UQCC1: variants seen among roughly 807,000 people sequenced by gnomAD.
UQCC1 encodes ubiquinol-cytochrome c reductase complex assembly factor 1.
Under a neutral mutation model 48.0 loss-of-function variants are expected in UQCC1, and 38 were observed. The ratio of observed to expected loss-of-function variants is 0.79; its 90% CI spans 0.61 to 1.04. The LOEUF is 1.04. Among genes scored for constraint, UQCC1 ranks in the 50% least tolerant of loss-of-function variants. The probability of loss-of-function intolerance (pLI) is 0.00; values close to 1 mark genes in which losing one functional copy is unlikely to be tolerated. For synonymous variants in UQCC1, 111 were observed against 129.2 expected, an observed-to-expected ratio of 0.86 and a Z score of 0.95; for missense variants, 368 against 381.8, an observed-to-expected ratio of 0.96 and a Z score of 0.30.
At chr20:35,321,696 T>C (rs991145509) in intron 7 of UQCC1, among the ~76,000 whole-genome samples, 2 of 152,152 alleles carry the variant, frequency 1.3e-5, no homozygotes, top group African/African-American at 4.8e-5. Context: ...CTCTACAACA[T>C]AGTAATAATA....
At position 35,375,576 on chromosome 20, in the gene UQCC1, T is replaced by G. The variant is rs1350105107; in HGVS notation, c.334-1320A>C. On this transcript the variant is annotated intron_variant, in intron 4 of 9. Transcript: ENST00000374385. ...TGAAATGCTAGAAAAGCAAAGCAAA[T>G]TAAACCTAAAAGCAAGCAGAAAGAA... 2.0e-5 allele frequency among the ~76,000 whole-genome samples: 3 copies of G among 151,824 alleles called. No homozygotes were observed. The East Asian group carries it at 5.8e-4, about 29-fold the overall frequency.
At chr20:35,328,141 G>A (rs992792760) in intron 7 of UQCC1, among the ~76,000 whole-genome samples, 1 of 152,070 alleles carries the variant, frequency 6.6e-6, no homozygotes, top group African/African-American at 2.4e-5. Flanking sequence ...TTATCCAAAG[G>A]AAAGAGACAA....
At chr20:35,341,703 G>A (rs1185743007) in intron 7 of UQCC1, among the ~76,000 whole-genome samples, 1 of 152,220 alleles carries the variant, frequency 6.6e-6, no homozygotes, top group East Asian at 1.9e-4. Context: ...GGGAAACTGG[G>A]ATTGGCTTCC....
At chr20:35,353,522 G>C (rs1400767798) in intron 6 of UQCC1, among the ~76,000 whole-genome samples, 6 of 151,972 alleles carry the variant, frequency 3.9e-5, no homozygotes, top group Non-Finnish European at 8.8e-5. Flanking sequence ...CAGGTGTGGT[G>C]GCTCACACCT....
At chr20:35,378,668 A>G (rs570658261) in intron 4 of UQCC1, among the ~76,000 whole-genome samples, 60 of 152,282 alleles carry the variant, frequency 3.9e-4, no homozygotes, top group African/African-American at 1.4e-3. Context: ...TGTTTTAAGT[A>G]ATTTGAACCT....
intron 7 of UQCC1, among the ~76,000 whole-genome samples, chr20:35,343,267 C>A (rs980057492): frequency 1.3e-5 from 2 of 152,174 alleles, no homozygotes; most frequent in African/African-American, 4.8e-5. Flanking sequence ...AAGCTGAAAA[C>A]TTGGGGCTCA....
At chr20:35,372,217 C>T (rs1475685200) in intron 5 of UQCC1, among the ~76,000 whole-genome samples, 8 of 150,582 alleles carry the variant, frequency 5.3e-5, no homozygotes, top group South Asian at 2.1e-4. Context: ...GAGGCTGAGG[C>T]AGAATTGCTT....
chr20:35,321,017 C>T (rs1427560169), intron 7 of UQCC1, among the ~76,000 whole-genome samples: 5 of 152,274 alleles, frequency 3.3e-5, no homozygotes, highest in Middle Eastern at 3.4e-3. Context: ...AGTCATTGTG[C>T]GGCAACAGGC....
intron 1 of UQCC1, among the ~76,000 whole-genome samples, chr20:35,398,134 C>G (rs532139502): frequency 6.6e-6 from 1 of 152,274 alleles, no homozygotes; most frequent in East Asian, 1.9e-4. Flanking sequence ...AGAATCCTTG[C>G]TCATTTATGG....
Position 35,375,818 on chromosome 20 carries a change from G to A in UQCC1, c.334-1562C>T, listed in dbSNP as rs2061790482. ...AAAATACAAAAATTAGCTGGCCATG[G>A]TGGTGTGTGCCTATAGTACCAGCTA... On this transcript the variant is annotated intron_variant, in intron 4 of 9. Transcript: ENST00000374385. Among the ~76,000 whole-genome samples, 3 of 152,074 alleles carry A rather than the reference G, an allele frequency of 2.0e-5. No homozygotes were observed. In the South Asian group the frequency reaches 6.2e-4, roughly 32 times the overall value.
intron 6 of UQCC1, among the ~76,000 whole-genome samples, chr20:35,363,129 A>G (rs1262705816): frequency 6.6e-6 from 1 of 152,168 alleles, no homozygotes; most frequent in Non-Finnish European, 1.5e-5. Flanking sequence ...TATCAGATTC[A>G]TGTGTCCATT....
At chr20:35,322,523 C>A (rs559256030) in intron 7 of UQCC1, among the ~76,000 whole-genome samples, 7 of 152,112 alleles carry the variant, frequency 4.6e-5, no homozygotes, top group Non-Finnish European at 8.8e-5. Flanking sequence ...AACCTGAGGT[C>A]GGGAGTTCGA....
chr20:35,408,202 G>A (rs2062281631), intron 1 of UQCC1, among the ~76,000 whole-genome samples: 1 of 152,192 alleles, frequency 6.6e-6, no homozygotes, highest in Non-Finnish European at 1.5e-5. Flanking sequence ...GCTGAGGCAG[G>A]AGTATCACTT....
At chr20:35,354,524 G>A (rs1400976707) in intron 6 of UQCC1, among the ~76,000 whole-genome samples, 1 of 152,000 alleles carries the variant, frequency 6.6e-6, no homozygotes, top group Non-Finnish European at 1.5e-5. Flanking sequence ...AGCCTCCCGA[G>A]TAGCTGGGAC....
At chr20:35,369,556 A>T (rs1218355788) in intron 5 of UQCC1, among the ~76,000 whole-genome samples, 2 of 152,186 alleles carry the variant, frequency 1.3e-5, no homozygotes, top group Non-Finnish European at 2.9e-5. Context: ...TGTACATTTA[A>T]TGTGGGGTCA....
intron 4 of UQCC1, among the ~76,000 whole-genome samples, chr20:35,375,710 G>C (rs1188940585): frequency 6.6e-6 from 1 of 151,994 alleles, no homozygotes. Context: ...CAGCACTTTA[G>C]GAGGCTGAGA....
intron 6 of UQCC1, among the ~76,000 whole-genome samples, chr20:35,356,308 C>T (rs1445538079): frequency 6.6e-6 from 1 of 152,228 alleles, no homozygotes; most frequent in African/African-American, 2.4e-5. Context: ...CCAGTGAAAA[C>T]TTTTGGACAC....
At chr20:35,316,862 T>C (rs929081233) in intron 7 of UQCC1, among the ~76,000 whole-genome samples, 14 of 151,694 alleles carry the variant, frequency 9.2e-5, no homozygotes, top group Non-Finnish European at 2.1e-4. Context: ...ATGGTCTCGA[T>C]CTCCTGACCT....
chr20:35,342,881 C>T (rs765428531), intron 7 of UQCC1, among the ~76,000 whole-genome samples: 6 of 152,042 alleles, frequency 3.9e-5, no homozygotes, highest in Non-Finnish European at 7.4e-5. Context: ...ACCAGCTTCA[C>T]GATGATATAT....
Sources: gnomAD v4.1 joint callset for allele counts (sites outside exome capture counted in the v4.1 genomes callset) on GRCh38, gnomAD v4.1.1 for gene constraint, MANE v1.5 for transcripts, NCBI Gene and HGNC (gene_info 2026-07-23, HGNC 2026-07-21) for gene names.